MS4A6E: variants seen among roughly 807,000 people sequenced by gnomAD.
MS4A6E encodes membrane spanning 4-domains A6E, also known as membrane-spanning 4-domains subfamily A member 6E.
MS4A6E carries 8 observed loss-of-function variants against 13.2 expected under a neutral mutation model. The ratio of observed to expected loss-of-function variants is 0.60; its 90% CI spans 0.35 to 1.09. MS4A6E has a LOEUF of 1.09. MS4A6E is among the 50% of genes least tolerant of loss of function. MS4A6E has a pLI of 0.02. For missense variants in MS4A6E, 177 were observed against 171.1 expected (o/e 1.03, Z -0.19); for synonymous variants, 72 against 67.6 (o/e 1.06, Z -0.32).
chr11:60,327,402 C>T lies in MS4A6E; in HGVS notation c.-21C>T, dbSNP rs895377526. On this transcript the variant is annotated 5_prime_UTR_variant, in exon 1 of 5. Transcript: ENST00000684409. ...ACCTTGATCGTGGACTTCTCAGTTCCAAAACTGTGAGAAATAATTTTCTAT... is the reference window on the plus strand; with the variant it reads ...ACCTTGATCGTGGACTTCTCAGTTCTAAAACTGTGAGAAATAATTTTCTAT... Among the ~76,000 whole-genome samples the T allele has an allele frequency of 2.0e-5, 3 of 152,128 alleles. No homozygotes were observed. Among genetic ancestry groups the T allele is most frequent in the African/African-American group, 7.2e-5 (3 of 41,420 alleles).
intron 4 of MS4A6E, among the ~76,000 whole-genome samples, chr11:60,340,556 T>C (rs575755981): frequency 6.6e-6 from 1 of 152,382 alleles, no homozygotes; most frequent in East Asian, 1.9e-4. Context: ...AAAGCCTTGA[T>C]TTATCCAGAA....
At chr11:60,335,490 G>T (rs1384736054) in intron 2 of MS4A6E, 2 of 438,620 alleles carry the variant, frequency 4.6e-6, no homozygotes, top group East Asian at 1.4e-4. Context: ...GAATGGAAAT[G>T]ATATTTACCT....
At chr11:60,328,029 CAAAAAAAAAAA>C (rs3042505) in intron 1 of MS4A6E, among the ~76,000 whole-genome samples, 1 of 82,080 alleles carries the variant, frequency 1.2e-5, no homozygotes, top group South Asian at 5.1e-4. Context: ...GACTCCATCT[CAAAAAAAAAAA>C]AAAAAAAAAA....
intron 4 of MS4A6E, among the ~76,000 whole-genome samples, chr11:60,347,581 G>GAA (rs112099637): frequency 8.6e-6 from 1 of 115,678 alleles, no homozygotes; most frequent in Non-Finnish European, 1.9e-5. Context: ...AGAGAACTGA[G>GAA]AAAAAAAAAA....
intron 3 of MS4A6E, among the ~76,000 whole-genome samples, chr11:60,339,100 C>T (rs902822805): frequency 1.1e-4 from 16 of 152,034 alleles, no homozygotes; most frequent in African/African-American, 3.6e-4. Context: ...GTGTAAATAC[C>T]ACAAAACAAA....
intron 3 of MS4A6E, among the ~76,000 whole-genome samples, chr11:60,339,181 G>A (rs529638934): frequency 6.6e-6 from 1 of 152,346 alleles, no homozygotes; most frequent in South Asian, 2.1e-4. Context: ...TCTCAGGACA[G>A]AAATGGTAGA....
Position 60,347,083 on chromosome 11 carries a change from G to A in MS4A6E, c.*162+6155G>A, listed in dbSNP as rs185542621. On this transcript the variant is annotated intron_variant and NMD_transcript_variant, in intron 4 of 4. Transcript: ENST00000532756. Reference sequence around the variant, plus strand: ...TCTTGTAGGGGTAAGAGTGAAGCAGGGAAAGTGGGTAGTTTTAGAGATAGT... The same window carrying A: ...TCTTGTAGGGGTAAGAGTGAAGCAGAGAAAGTGGGTAGTTTTAGAGATAGT... Among the ~76,000 whole-genome samples, 39 of 152,230 alleles carry A rather than the reference G, an allele frequency of 2.6e-4. 1 individual carries two copies. In the East Asian group the frequency reaches 3.1e-3, roughly 12 times the overall value.
At chr11:60,335,768 T>C (rs1031065297) in intron 2 of MS4A6E, 3 of 328,288 alleles carry the variant, frequency 9.1e-6, no homozygotes, top group Non-Finnish European at 1.8e-5. Flanking sequence ...AACTTCTTGG[T>C]AAATGATAAT....
chr11:60,337,719 T>C, intron 2 of MS4A6E, 22 bp from the exon 3 acceptor site: 4 of 1,613,766 alleles, frequency 2.5e-6, no homozygotes, highest in Non-Finnish European at 3.4e-6. Context: ...GGAATGATTC[T>C]TACCCAGCAT....
At chr11:60,342,417 AAAAG>A (rs1370096508), downstream of MS4A6E, among the ~76,000 whole-genome samples, 1 of 152,118 alleles carries the variant, frequency 6.6e-6, no homozygotes, top group African/African-American at 2.4e-5. Flanking sequence ...TTTAATGGCT[AAAAG>A]AAAGAAGAGT....
At chr11:60,334,089 G>T (rs970387764) in intron 1 of MS4A6E, among the ~76,000 whole-genome samples, 1 of 152,196 alleles carries the variant, frequency 6.6e-6, no homozygotes, top group Non-Finnish European at 1.5e-5. Context: ...GGTTTCCAGC[G>T]GGGTTGCCCA....
At chr11:60,335,259 T>C (rs1444958190) in intron 2 of MS4A6E, among the ~76,000 whole-genome samples, 1 of 152,168 alleles carries the variant, frequency 6.6e-6, no homozygotes, top group African/African-American at 2.4e-5. Context: ...GAGGAGTTGA[T>C]TTTCTGTTGT....
chr11:60,337,394 C>T (rs2135060991), intron 2 of MS4A6E, among the ~76,000 whole-genome samples: 1 of 152,268 alleles, frequency 6.6e-6, no homozygotes, highest in South Asian at 2.1e-4. Context: ...GCATCTGGTA[C>T]ATTGCCACCT....
chr11:60,346,132 G>C (rs546374180), downstream of MS4A6E, among the ~76,000 whole-genome samples: 1 of 152,176 alleles, frequency 6.6e-6, no homozygotes, highest in Non-Finnish European at 1.5e-5. Context: ...GGTGACTTCT[G>C]TCTCTGGGAG....
chr11:60,337,437 G>T (rs2085194588), intron 2 of MS4A6E, among the ~76,000 whole-genome samples: 1 of 152,074 alleles, frequency 6.6e-6, no homozygotes, highest in Non-Finnish European at 1.5e-5. Context: ...TAATTTTCCA[G>T]GCAAGCCTCG....
At chr11:60,339,172 C>G (rs562086309) in intron 3 of MS4A6E, among the ~76,000 whole-genome samples, 4 of 152,308 alleles carry the variant, frequency 2.6e-5, no homozygotes, top group Admixed American at 6.5e-5. Context: ...CAAAGAATGT[C>G]TCAGGACAGA....
At chr11:60,336,535 C>G (rs1240403126) in intron 2 of MS4A6E, among the ~76,000 whole-genome samples, 1 of 152,190 alleles carries the variant, frequency 6.6e-6, no homozygotes, top group Admixed American at 6.5e-5. Flanking sequence ...GAGTTCTACT[C>G]TTGTCACACA....
chr11:60,342,195 G>T (rs1413953483), downstream of MS4A6E, among the ~76,000 whole-genome samples: 1 of 94,074 alleles, frequency 1.1e-5, no homozygotes, highest in Non-Finnish European at 2.2e-5. Flanking sequence ...GAGAGAGAGA[G>T]AGAGAGGGGG....
intron 1 of MS4A6E, among the ~76,000 whole-genome samples, chr11:60,328,085 G>A (rs1409110523): frequency 2.0e-5 from 3 of 150,256 alleles, no homozygotes; most frequent in African/African-American, 7.3e-5. Flanking sequence ...TTATCAAGTG[G>A]CAAAGAATAT....
Sources: gnomAD v4.1 joint callset for allele counts (sites outside exome capture counted in the v4.1 genomes callset) on GRCh38, gnomAD v4.1.1 for gene constraint, MANE v1.5 for transcripts, NCBI Gene and HGNC (gene_info 2026-07-23, HGNC 2026-07-21) for gene names.